Variants in HNRNPF observed in about 807,000 individuals in gnomAD.
The protein encoded by HNRNPF is heterogeneous nuclear ribonucleoprotein F.
In HNRNPF, 2 loss-of-function variants were observed where a neutral mutation model predicts 26.0. That is an observed-to-expected ratio of 0.08 (90% CI 0.03 to 0.24). The LOEUF is 0.24. Among genes scored for constraint, HNRNPF ranks in the 10% least tolerant of loss-of-function variants. HNRNPF has a pLI of 1.00. For synonymous variants in HNRNPF, 234 were observed against 211.5 expected (o/e 1.11, Z -0.92); for missense variants, 299 against 539.2 (o/e 0.55, Z 4.41).
Position 43,386,598 on chromosome 10 carries a change from GTGAAAATGAT to G in HNRNPF, c.*29_*38del, listed in dbSNP as rs1564392220. The stretch of plus-strand genomic sequence containing the variant: ...GCTCTTAATTGCTTGTTGGCTGCCT[GTGAAAATGAT>G]TGAAGTAACTCAAATGTTCCTAACA... On this transcript the variant is annotated 3_prime_UTR_variant, in exon 4 of 4. Transcript: ENST00000682386. 6.7e-7 allele frequency: 1 copy of G among 1,498,514 alleles called. No individual in the cohort carries two copies. The highest frequency in any genetic ancestry group is 8.9e-7 in the Non-Finnish European group (1 of 1,127,232). The allele number at this position is 1,498,514 out of a possible 1,614,324, so 92.8% of individuals were successfully genotyped here.
chr10:43,389,510 T>C (rs1260326306), intron 3 of HNRNPF, among the ~76,000 whole-genome samples: 1 of 152,248 alleles, frequency 6.6e-6, no homozygotes, highest in Non-Finnish European at 1.5e-5. Flanking sequence ...TAAAGTTTGA[T>C]GTAGCCATTG....
At chr10:43,402,676 C>T (rs1265930589) in intron 1 of HNRNPF, among the ~76,000 whole-genome samples, 1 of 152,192 alleles carries the variant, frequency 6.6e-6, no homozygotes, top group Non-Finnish European at 1.5e-5. Context: ...CTAACACCAA[C>T]TTAAATTAGA....
At position 43,387,143 on chromosome 10, in the gene HNRNPF, C is replaced by T; in HGVS notation, c.742G>A (p.Gly248Ser). The T allele has an allele frequency of 6.2e-7, 1 of 1,614,092 alleles. No homozygotes were observed. Among genetic ancestry groups the T allele is most frequent in the Non-Finnish European group, 8.5e-7 (1 of 1,180,034 alleles). ...GTGAAGCCGTAGCCATCACTGAGGCCACTGTACTCCTCGTAGCCCCCGTAG... is the reference window on the plus strand; with the variant it reads ...GTGAAGCCGTAGCCATCACTGAGGCTACTGTACTCCTCGTAGCCCCCGTAG... ...TGYGGYEEYS[G>S]LSDGYGFTTD... Residue 248 changes from glycine (G) to serine (S), a missense_variant, in exon 4 of 4, where the codon GGC becomes AGC. This residue lies in a region of HNRNPF where 74 missense variants were observed against 77.7 expected (regional missense o/e 0.95). Coordinates refer to ENST00000682386, the MANE Select transcript of HNRNPF (RefSeq NM_001098204.2). The surrounding 1 kb of genome is among the most constrained non-coding windows in gnomAD (Gnocchi z 6.0).
At chr10:43,389,581 A>G (rs1838164475) in intron 3 of HNRNPF, among the ~76,000 whole-genome samples, 1 of 152,260 alleles carries the variant, frequency 6.6e-6, no homozygotes, top group South Asian at 2.1e-4. Context: ...GTCTAAAAGG[A>G]TAATTGTGTA....
At position 43,404,328 on chromosome 10, in the gene HNRNPF, A is replaced by C. The variant is rs566713853; in HGVS notation, c.-247+4803T>G. 3.9e-5 allele frequency among the ~76,000 whole-genome samples: 6 copies of C among 152,102 alleles called. No individual in the cohort carries two copies. The East Asian group carries it at 9.6e-4, about 24-fold the overall frequency. ...AAAAAAAAAAAAAAGGAAAACAAAA[A>C]CAAAAGTACATCTTAGAGCGATCAC... is the stretch of plus-strand genomic sequence containing the variant. On this transcript the variant is annotated intron_variant, in intron 1 of 3. Coordinates refer to ENST00000682386, the MANE Select transcript of HNRNPF (RefSeq NM_001098204.2).
At position 43,387,837 on chromosome 10, in the gene HNRNPF, A is replaced by G. The variant is rs570456253; in HGVS notation, c.48T>C (p.Arg16=). 13 of 1,613,848 alleles carry G rather than the reference A, an allele frequency of 8.1e-6. No individual in the cohort carries two copies. The South Asian group carries it at 1.4e-4, about 18-fold the overall frequency. Residue 16 remains arginine, a synonymous_variant, in exon 4 of 4, where the codon CGT becomes CGC. Coordinates refer to ENST00000682386, the MANE Select transcript of HNRNPF (RefSeq NM_001098204.2). This position sits in a 1 kb window ranked among gnomAD's most constrained non-coding sequence, Gnocchi z 6.0. ...CAACAGAGCAGGACCAGGGCAGGCC[A>G]CGGAGCTTGACCACAAAGCCTTCAC... The part of the protein sequence containing the change: ...EGGEGFVVKL[R]GLPWSCSVED...
At chr10:43,391,451 A>G (rs1564394636) in intron 3 of HNRNPF, among the ~76,000 whole-genome samples, 1 of 151,854 alleles carries the variant, frequency 6.6e-6, no homozygotes, top group Non-Finnish European at 1.5e-5. Flanking sequence ...GAGCGAGACT[A>G]ACTCCAAAAA....
At chr10:43,393,577 C>G (rs998072273) in intron 3 of HNRNPF, among the ~76,000 whole-genome samples, 12 of 150,092 alleles carry the variant, frequency 8.0e-5, no homozygotes, top group African/African-American at 3.0e-4. Context: ...GCCTAGGCAA[C>G]AGGAGCAAAA....
At chr10:43,395,224 G>A (rs1032273795) in intron 2 of HNRNPF, among the ~76,000 whole-genome samples, 2 of 152,156 alleles carry the variant, frequency 1.3e-5, no homozygotes, top group African/African-American at 4.8e-5. Context: ...GGGATAGCAT[G>A]GGCAAGGAGC....
rs768192063 is a variant in HNRNPF, at chr10:43,387,118, G to C, written c.767C>G (p.Thr256Ser). ...GAGGTCTCTCCCGAACAGGTCGGTG[G>C]TGAAGCCGTAGCCATCACTGAGGCC... is the stretch of plus-strand genomic sequence containing the variant. ...YSGLSDGYGF[T>S]TDLFGRDLSY... Residue 256 changes from threonine (T) to serine (S), a missense_variant, in exon 4 of 4, where the codon ACC (threonine) becomes AGC (serine). Transcript: ENST00000682386. The surrounding 1 kb of genome is among the most constrained non-coding windows in gnomAD (Gnocchi z 6.0). 1 of 1,613,886 alleles carries C rather than the reference G, an allele frequency of 6.2e-7. No homozygotes were observed. Among genetic ancestry groups the C allele is most frequent in the Admixed American group, 1.7e-5 (1 of 60,016 alleles).
intron 1 of HNRNPF, among the ~76,000 whole-genome samples, chr10:43,404,153 C>G (rs149315770): frequency 6.6e-6 from 1 of 151,330 alleles, no homozygotes; most frequent in South Asian, 2.1e-4. Context: ...ACCATCTCTA[C>G]TATTAGATGG....
chr10:43,401,273 C>T lies in HNRNPF; in HGVS notation c.-246-4683G>A, dbSNP rs569987553. ...TGTAGCTAAGTCTGGGGGGATAACA[C>T]ACTGCTTCCCTCAGCGTTCATTTCT... On this transcript the variant is annotated intron_variant, in intron 1 of 3. Coordinates refer to ENST00000682386, the MANE Select transcript of HNRNPF (RefSeq NM_001098204.2). Among the ~76,000 whole-genome samples, 9 of 152,350 alleles carry T rather than the reference C, an allele frequency of 5.9e-5. No individual in the cohort carries two copies. In the South Asian group the frequency reaches 1.7e-3, roughly 28 times the overall value.
At chr10:43,389,491 T>C (rs1417856988) in intron 3 of HNRNPF, among the ~76,000 whole-genome samples, 2 of 152,224 alleles carry the variant, frequency 1.3e-5, no homozygotes, top group Admixed American at 6.5e-5. Flanking sequence ...CAGGGAAAAT[T>C]AGTAATTTTA....
chr10:43,398,645 T>C (rs1475608005), intron 1 of HNRNPF, among the ~76,000 whole-genome samples: 1 of 152,026 alleles, frequency 6.6e-6, no homozygotes, highest in Non-Finnish European at 1.5e-5. Flanking sequence ...CGGCCTGTTT[T>C]ACGTTTTTAA....
chr10:43,408,638 A>C (rs1420602276), intron 1 of HNRNPF: 1 of 147,232 alleles, frequency 6.8e-6, no homozygotes, highest in African/African-American at 2.5e-5. Context: ...CTCAAATCCC[A>C]CCCCCCGTCC....
At chr10:43,393,567 G>A (rs1838338901) in intron 3 of HNRNPF, among the ~76,000 whole-genome samples, 1 of 151,276 alleles carries the variant, frequency 6.6e-6, no homozygotes, top group South Asian at 2.1e-4. Flanking sequence ...CTGCACTCCA[G>A]CCTAGGCAAC....
At chr10:43,405,395 GC>G (rs767179812) in intron 1 of HNRNPF, among the ~76,000 whole-genome samples, 1 of 152,146 alleles carries the variant, frequency 6.6e-6, no homozygotes, top group Non-Finnish European at 1.5e-5. Context: ...GGTGGCTCAC[GC>G]CTGTAATCCC....
intron 1 of HNRNPF, among the ~76,000 whole-genome samples, chr10:43,407,035 G>A (rs1564400472): frequency 6.6e-6 from 1 of 152,124 alleles, no homozygotes; most frequent in Non-Finnish European, 1.5e-5. Context: ...ATCTTACTAG[G>A]AATTCAGAGA....
intron 1 of HNRNPF, 199 bp downstream of exon 1, chr10:43,408,932 T>G (rs1415423513): frequency 6.6e-6 from 1 of 152,180 alleles, no homozygotes; most frequent in Non-Finnish European, 1.5e-5. Flanking sequence ...CCGGCCCCAA[T>G]CCTCAGCGCC....
Sources: gnomAD v4.1 joint callset for allele counts (sites outside exome capture counted in the v4.1 genomes callset) on GRCh38, gnomAD v4.1.1 for gene constraint, gnomAD v4.1.1 regional missense constraint, Gnocchi (gnomAD v3.1) non-coding constraint, MANE v1.5 for transcripts, NCBI Gene and HGNC (gene_info 2026-07-23, HGNC 2026-07-21) for gene names.